Variants in ARHGEF3 observed in about 807,000 individuals in gnomAD.
ARHGEF3 encodes Rho guanine nucleotide exchange factor 3.
A neutral mutation model predicts 63.2 loss-of-function variants in ARHGEF3; 28 were observed. The ratio of observed to expected loss-of-function variants is 0.44; its 90% CI spans 0.33 to 0.61. ARHGEF3 has a LOEUF of 0.61. ARHGEF3 is among the 20% of genes least tolerant of loss of function. ARHGEF3 has a pLI of 0.03. For missense variants in ARHGEF3, 533 were observed against 659.3 expected, an observed-to-expected ratio of 0.81 and a Z score of 2.10; for synonymous variants, 266 against 254.2, an observed-to-expected ratio of 1.05 and a Z score of -0.44.
chr3:57,010,820 C>A (rs1702667292), intron 2 of ARHGEF3, among the ~76,000 whole-genome samples: 1 of 152,198 alleles, frequency 6.6e-6, no homozygotes, highest in Non-Finnish European at 1.5e-5. Context: ...TTACAAAATA[C>A]ACTTTACCCC....
chr3:56,775,207 A>G (rs2036227548), intron 1 of ARHGEF3: 3 of 1,449,348 alleles, frequency 2.1e-6, no homozygotes, highest in Non-Finnish European at 2.7e-6. Context: ...TCTCCAGGAT[A>G]TTTCTGCATC....
At chr3:56,917,100 G>A (rs1219506273) in intron 3 of ARHGEF3, among the ~76,000 whole-genome samples, 1 of 152,018 alleles carries the variant, frequency 6.6e-6, no homozygotes, top group East Asian at 1.9e-4. Context: ...TGAACATCTT[G>A]CTCCAGTTCC....
At chr3:56,928,342 C>T (rs1293388542) in intron 3 of ARHGEF3, among the ~76,000 whole-genome samples, 2 of 141,226 alleles carry the variant, frequency 1.4e-5, no homozygotes, top group South Asian at 2.3e-4. Context: ...GGGTTCCTGG[C>T]CCATGGTCAC....
intron 8 of ARHGEF3, among the ~76,000 whole-genome samples, chr3:56,733,615 A>G (rs1410567337): frequency 6.6e-6 from 1 of 152,178 alleles, no homozygotes; most frequent in Non-Finnish European, 1.5e-5. Context: ...AGTCATTATC[A>G]GCTTTATTCA....
intron 1 of ARHGEF3, among the ~76,000 whole-genome samples, chr3:56,774,253 T>C (rs550316006): frequency 2.0e-5 from 3 of 152,206 alleles, no homozygotes; most frequent in African/African-American, 7.2e-5. Flanking sequence ...GCCACTCTTA[T>C]GCAATGGCTT....
chr3:56,751,325 C>T lies in ARHGEF3; in HGVS notation c.510G>A (p.Leu170=). 1 of 1,613,734 alleles carries T rather than the reference C, an allele frequency of 6.2e-7. No individual in the cohort carries two copies. Among genetic ancestry groups the T allele is most frequent in the Non-Finnish European group, 8.5e-7 (1 of 1,179,702 alleles). Residue 170 remains leucine (L), a synonymous_variant, in exon 5 of 10, where the codon CTG becomes CTA. Transcript: ENST00000296315. ...EQELNQIFGT[L]DSLIPLHEEL... ...CTTCATGTAGAGGAATTAGAGAGTC[C>T]AGTGTTCCAAAAATTTGATTCAACT...
At chr3:57,000,310 C>CACACACACACACACACACACACA (rs1560120499) in intron 2 of ARHGEF3, among the ~76,000 whole-genome samples, 9 of 139,264 alleles carry the variant, frequency 6.5e-5, no homozygotes, top group African/African-American at 2.5e-4. Flanking sequence ...AGGGTAACTC[C>CACACACACACACACACACACACA]CACACACACA....
intron 3 of ARHGEF3, among the ~76,000 whole-genome samples, chr3:56,925,882 T>C (rs1056753969): frequency 1.3e-5 from 2 of 152,324 alleles, no homozygotes; most frequent in Non-Finnish European, 1.5e-5. Context: ...TCCCACCTGG[T>C]ATTCTACCCA....
At chr3:57,055,408 C>T (rs565076649) in intron 1 of ARHGEF3, among the ~76,000 whole-genome samples, 35 of 152,240 alleles carry the variant, frequency 2.3e-4, no homozygotes, top group African/African-American at 5.3e-4. Flanking sequence ...GTGATCTGCC[C>T]GCCTCGGCCT....
intron 1 of ARHGEF3, among the ~76,000 whole-genome samples, chr3:57,072,382 C>A (rs1705957435): frequency 6.6e-6 from 1 of 151,856 alleles, no homozygotes; most frequent in Non-Finnish European, 1.5e-5. Context: ...AGAAAACACT[C>A]TTGGACATAA....
intron 3 of ARHGEF3, among the ~76,000 whole-genome samples, chr3:56,899,378 A>C (rs193052520): frequency 6.6e-6 from 1 of 152,348 alleles, no homozygotes; most frequent in Admixed American, 6.5e-5. Context: ...TAAATCCCTC[A>C]AAGAGAAATG....
intron 4 of ARHGEF3, among the ~76,000 whole-genome samples, chr3:56,859,941 G>T (rs1310311399): frequency 6.6e-6 from 1 of 151,794 alleles, no homozygotes; most frequent in Non-Finnish European, 1.5e-5. Context: ...TGGGTGGATT[G>T]CCTGAGCTCA....
chr3:56,956,918 A>G (rs998930870), intron 3 of ARHGEF3, among the ~76,000 whole-genome samples: 5 of 152,240 alleles, frequency 3.3e-5, no homozygotes. Context: ...TTCATGATCA[A>G]TGACTTCGGG....
rs182007109 is a variant in ARHGEF3 at position 56,849,053 on chromosome 3, C to T, written c.192+33239G>A. ...ACACTAATTATTATCAGCAGGTATCCGCTCTTTATTTAGTAAAACCACTAA... is the reference window on the plus strand; with the variant it reads ...ACACTAATTATTATCAGCAGGTATCTGCTCTTTATTTAGTAAAACCACTAA... On this transcript the variant is annotated intron_variant, in intron 4 of 12. Coordinates refer to the ARHGEF3 transcript ENST00000338458. Among the ~76,000 whole-genome samples, 513 of 152,262 alleles carry T rather than the reference C, an allele frequency of 3.4e-3. 4 individuals carry two copies. Among genetic ancestry groups the T allele is most frequent in the African/African-American group, 0.012 (478 of 41,546 alleles).
At chr3:57,010,709 T>C (rs1370021665) in intron 2 of ARHGEF3, among the ~76,000 whole-genome samples, 1 of 152,168 alleles carries the variant, frequency 6.6e-6, no homozygotes, top group African/African-American at 2.4e-5. Context: ...CTCAGAGCCC[T>C]GACTCCCAAG....
rs144780248 is a variant in ARHGEF3 at position 56,909,869 on chromosome 3, C to T, written c.130-27515G>A. Among the ~76,000 whole-genome samples, 471 of 152,200 alleles carry T rather than the reference C, an allele frequency of 3.1e-3. 1 individual carries two copies. Among genetic ancestry groups the T allele is most frequent in the African/African-American group, 0.01 (425 of 41,516 alleles). ...TCTTCAGCAAATATTTATGCCTTTCCCTGACATCCATGGCTTGATCCTGTG... is the reference window on the plus strand; with the variant it reads ...TCTTCAGCAAATATTTATGCCTTTCTCTGACATCCATGGCTTGATCCTGTG... On this transcript the variant is annotated intron_variant, in intron 3 of 12. Transcript: ENST00000338458.
At chr3:56,898,428 C>T (rs372191532) in intron 3 of ARHGEF3, 16 of 154,206 alleles carry the variant, frequency 1.0e-4, no homozygotes, top group Middle Eastern at 7.0e-4. Flanking sequence ...AGGCTGGTCT[C>T]GAACTCCTGA....
chr3:56,749,664 G>A (rs962503360), intron 6 of ARHGEF3, among the ~76,000 whole-genome samples: 2 of 152,252 alleles, frequency 1.3e-5, no homozygotes, highest in African/African-American at 4.8e-5. Flanking sequence ...AAACATCTAC[G>A]ATGGCTCATA....
chr3:56,980,708 A>G (rs1043880680), intron 2 of ARHGEF3, among the ~76,000 whole-genome samples: 4 of 152,252 alleles, frequency 2.6e-5, no homozygotes, highest in African/African-American at 7.2e-5. Context: ...TCTGGCTGAC[A>G]AGAACCTGAA....
Sources: allele counts gnomAD v4.1 joint callset (sites outside exome capture counted in the v4.1 genomes callset), GRCh38; gene constraint gnomAD v4.1.1; transcripts MANE v1.5; gene names NCBI Gene and HGNC (gene_info 2026-07-23, HGNC 2026-07-21).